Variants in DUXA observed in about 807,000 individuals in gnomAD.
DUXA encodes double homeobox A, also known as double homeobox protein A.
A neutral mutation model predicts 27.5 loss-of-function variants in DUXA; 25 were observed. That is an observed-to-expected ratio of 0.91 (90% confidence interval 0.66 to 1.27). The LOEUF (loss-of-function observed/expected upper bound fraction) is 1.27, where lower values mean the gene tolerates loss of function less well. Among genes scored for constraint, DUXA ranks in the 50% most tolerant of loss-of-function variants. The probability of loss-of-function intolerance (pLI) is 0.00; values close to 1 mark genes in which losing one functional copy is unlikely to be tolerated. For synonymous variants in DUXA, 90 were observed against 80.5 expected (o/e 1.12, Z -0.63); for missense variants, 247 against 242.9 (o/e 1.02, Z -0.11).
In DUXA at chr19:57,158,396, G is replaced by C. The variant is rs765990164; in HGVS notation, c.370C>G (p.Pro124Ala). The C allele has an allele frequency of 1.9e-6, 3 of 1,613,468 alleles. No individual in the cohort carries two copies. Among genetic ancestry groups the C allele is most frequent in the East Asian group, 2.2e-5 (1 of 44,884 alleles). Residue 124 changes from proline (P) to alanine (A), a missense_variant, in exon 4 of 6, where the codon CCA (proline) becomes GCA (alanine). Physicochemically the swap from Pro to Ala is conservative, Grantham distance 27 (BLOSUM62 -1). Transcript: ENST00000554048. ...HTLIKAFMKN[P>A]YPGIDSREEL... Reference sequence around the variant, plus strand: ...TCTCTGGAATCAATCCCAGGATATGGGTTTTTCATAAATGCCTTGATGAGA... The same window carrying C: ...TCTCTGGAATCAATCCCAGGATATGCGTTTTTCATAAATGCCTTGATGAGA...
intron 1 of DUXA, among the ~76,000 whole-genome samples, chr19:57,166,297 T>A (rs1281904991): frequency 6.6e-6 from 1 of 152,126 alleles, no homozygotes; most frequent in East Asian, 1.9e-4. Context: ...TGACATAATT[T>A]AATTTATGTA....
At chr19:57,157,995 GA>G (rs34517130) in intron 4 of DUXA, among the ~76,000 whole-genome samples, 97,366 of 146,760 alleles carry the variant, frequency 0.66, 32,038 homozygotes, top group South Asian at 0.85. Context: ...CCCCATCTCA[GA>G]AAAAAAAAAA....
chr19:57,155,304 T>C lies in DUXA; in HGVS notation c.507A>G (p.Glu169=), dbSNP rs1419157388. Residue 169 remains glutamate, a synonymous_variant, in exon 5 of 6, where the codon GAA becomes GAG. Coordinates refer to ENST00000554048, the MANE Select transcript of DUXA (RefSeq NM_001012729.2). The part of the protein sequence containing the change: ...QRKREPVASL[E]QEEQGKIPEG... The stretch of plus-strand genomic sequence containing the variant: ...CAGGAATCTTGCCCTGCTCTTCTTG[T>C]TCTAAGGACGCCACAGGTTCCCTTT... 6.2e-7 allele frequency: 1 copy of C among 1,614,232 alleles called. No homozygotes were observed. Among genetic ancestry groups the C allele is most frequent in the Admixed American group, 1.7e-5 (1 of 60,034 alleles).
intron 1 of DUXA, among the ~76,000 whole-genome samples, chr19:57,165,324 A>AAAAAATATATATATAT (rs1491567041): frequency 1.1e-5 from 1 of 89,286 alleles, no homozygotes; most frequent in East Asian, 3.1e-4. Flanking sequence ...AAAAAAAAAA[A>AAAAAATATATATATAT]ATATATATAT....
chr19:57,162,164 A>G (rs1192199115), intron 1 of DUXA, among the ~76,000 whole-genome samples: 5 of 152,276 alleles, frequency 3.3e-5, no homozygotes, highest in African/African-American at 1.2e-4. Context: ...CTGAGATTAC[A>G]GATATGAGCC....
intron 2 of DUXA, 139 bp from the exon 3 acceptor site, chr19:57,159,417 T>G (rs2087009115): frequency 2.6e-6 from 2 of 762,392 alleles, no homozygotes; most frequent in Non-Finnish European, 4.1e-6. Context: ...TACCAAGTCC[T>G]TTTTTTTCTT....
At chr19:57,165,599 A>G (rs753216509) in intron 1 of DUXA, among the ~76,000 whole-genome samples, 42 of 151,620 alleles carry the variant, frequency 2.8e-4, no homozygotes, top group Non-Finnish European at 4.7e-4. Context: ...ATGTCAGGAG[A>G]TCGAGACCAT....
In DUXA at chr19:57,158,452, C is replaced by A; in HGVS notation, c.314G>T (p.Arg105Leu). The change falls in exon 4 of 6, where the codon CGT (arginine) becomes CTT (leucine). Residue 105 changes from arginine (R) to leucine (L), a missense_variant. Arg to Leu is a moderately radical substitution (Grantham distance 102). Transcript: ENST00000554048. ...EFQSREARRC[R>L]TTYSASQLHT... ...TAACTGAGAGGCGCTGTAGGTGGTACGACACCGTCTGGCTTCTCTACCTAG... is the reference window on the plus strand; with the variant it reads ...TAACTGAGAGGCGCTGTAGGTGGTAAGACACCGTCTGGCTTCTCTACCTAG... 10 of 1,613,506 alleles carry A rather than the reference C, an allele frequency of 6.2e-6. No individual in the cohort carries two copies. The highest frequency in any genetic ancestry group is 8.5e-6 in the Non-Finnish European group (10 of 1,179,536).
intron 1 of DUXA, among the ~76,000 whole-genome samples, chr19:57,165,601 C>G (rs886090366): frequency 6.6e-6 from 1 of 151,310 alleles, no homozygotes; most frequent in Non-Finnish European, 1.5e-5. Flanking sequence ...GTCAGGAGAT[C>G]GAGACCATCC....
At chr19:57,157,229 C>G (rs1169495074) in intron 4 of DUXA, among the ~76,000 whole-genome samples, 1 of 152,224 alleles carries the variant, frequency 6.6e-6, no homozygotes, top group East Asian at 1.9e-4. Flanking sequence ...ACACCCTACA[C>G]AGCAGTCTGA....
At chr19:57,155,631 G>C (rs190727553) in intron 4 of DUXA, among the ~76,000 whole-genome samples, 1 of 58,924 alleles carries the variant, frequency 1.7e-5, no homozygotes, top group East Asian at 5.9e-4. Context: ...AGGCACACTT[G>C]ACTGTGCCCA....
intron 2 of DUXA, 41 bp downstream of exon 2, chr19:57,160,602 C>A: frequency 6.2e-7 from 1 of 1,604,968 alleles, no homozygotes; most frequent in Non-Finnish European, 8.5e-7. Context: ...TCTCTCCTGC[C>A]TTTTTACTTC....
Position 57,154,257 on chromosome 19 carries a change from G to C in DUXA, c.*155C>G. Reference sequence around the variant, plus strand: ...CCTGCCTTGGCCTCCCAAAGTAGTGGGATTACAAGTGTGACCCACCACATC... The same window carrying C: ...CCTGCCTTGGCCTCCCAAAGTAGTGCGATTACAAGTGTGACCCACCACATC... On this transcript the variant is annotated 3_prime_UTR_variant, in exon 6 of 6. Coordinates refer to ENST00000554048, the MANE Select transcript of DUXA (RefSeq NM_001012729.2). 1.6e-6 allele frequency: 1 copy of C among 632,794 alleles called. No homozygotes were observed. Among genetic ancestry groups the C allele is most frequent in the Non-Finnish European group, 2.7e-6 (1 of 371,194 alleles). 39.2% of individuals were successfully genotyped at this position (632,794 alleles called of 1,614,324 possible).
At chr19:57,162,502 A>G (rs1223016380) in intron 1 of DUXA, among the ~76,000 whole-genome samples, 2 of 152,192 alleles carry the variant, frequency 1.3e-5, no homozygotes, top group South Asian at 2.1e-4. Context: ...TAAAAGACCA[A>G]CAGCTTTTTT....
chr19:57,167,451 G>A lies in DUXA; in HGVS notation c.-8C>T, dbSNP rs1178859111. ...ATAGGTGTCTTCGGCCATGCTGGAAGAGAGTCCTGAAGGCTGAGCCACTGT... is the reference window on the plus strand; with the variant it reads ...ATAGGTGTCTTCGGCCATGCTGGAAAAGAGTCCTGAAGGCTGAGCCACTGT... On this transcript the variant is annotated 5_prime_UTR_variant, in exon 1 of 6. Coordinates refer to ENST00000554048, the MANE Select transcript of DUXA (RefSeq NM_001012729.2). The A allele has an allele frequency of 6.2e-7, 1 of 1,613,444 alleles. No individual in the cohort carries two copies. The highest frequency in any genetic ancestry group is 1.3e-5 in the African/African-American group (1 of 74,908).
intron 5 of DUXA, 112 bp from the exon 6 acceptor site, chr19:57,154,594 C>T (rs2122686292): frequency 4.9e-6 from 4 of 821,348 alleles, no homozygotes; most frequent in East Asian, 3.5e-5. Context: ...GACGGAGTCT[C>T]ACTTTGTCGC....
At chr19:57,158,604 G>C in intron 3 of DUXA, 131 bp from the exon 4 acceptor site, 5 of 1,130,824 alleles carry the variant, frequency 4.4e-6, no homozygotes, top group Non-Finnish European at 6.2e-6. Context: ...CTCCTGAGAG[G>C]ATCTTGTCCC....
At chr19:57,161,622 CA>C (rs546124208) in intron 1 of DUXA, among the ~76,000 whole-genome samples, 5 of 126,414 alleles carry the variant, frequency 4.0e-5, no homozygotes, top group Non-Finnish European at 6.9e-5. Context: ...GACTCCGTCT[CA>C]AAAAAAAAAC....
chr19:57,167,261 T>C (rs2087059329), intron 1 of DUXA, among the ~76,000 whole-genome samples, 158 bp downstream of exon 1: 1 of 152,190 alleles, frequency 6.6e-6, no homozygotes. Flanking sequence ...AAACAGCCTA[T>C]TTTCATAATA....
Sources: allele counts gnomAD v4.1 joint callset (sites outside exome capture counted in the v4.1 genomes callset), GRCh38; gene constraint gnomAD v4.1.1; transcripts MANE v1.5; gene names NCBI Gene and HGNC (gene_info 2026-07-23, HGNC 2026-07-21).